The following GRIK4 variants were observed in gnomAD, a reference collection of about 807,000 sequenced individuals.
GRIK4 encodes glutamate ionotropic receptor kainate type subunit 4.
GRIK4 carries 40 observed loss-of-function variants against 104.9 expected under a neutral mutation model. That is an observed-to-expected ratio of 0.38 (90% CI 0.30 to 0.50). GRIK4 has a LOEUF of 0.50. Ranked by LOEUF, GRIK4 falls within the 20% of genes least tolerant of loss-of-function variation. The probability of loss-of-function intolerance (pLI) is 0.93; values close to 1 mark genes in which losing one functional copy is unlikely to be tolerated. For synonymous variants in GRIK4, 485 were observed against 524.9 expected, an observed-to-expected ratio of 0.92 and a Z score of 1.04; for missense variants, 1,047 against 1,308.1, an observed-to-expected ratio of 0.80 and a Z score of 3.08.
intron 3 of GRIK4, among the ~76,000 whole-genome samples, chr11:120,662,846 C>T (rs1025168421): frequency 1.3e-5 from 2 of 152,068 alleles, no homozygotes; most frequent in African/African-American, 4.8e-5. Flanking sequence ...CATCCTCAGC[C>T]CCACTTGTCT....
chr11:120,577,054 T>C (rs748068951), intron 1 of GRIK4, among the ~76,000 whole-genome samples: 9 of 152,186 alleles, frequency 5.9e-5, no homozygotes, highest in Admixed American at 4.6e-4. Flanking sequence ...TATTGCGCTT[T>C]AGCTGGCTTC....
At chr11:120,847,416 A>C (rs1262229557) in intron 8 of GRIK4, among the ~76,000 whole-genome samples, 2 of 152,236 alleles carry the variant, frequency 1.3e-5, no homozygotes. Context: ...GAAGATATGC[A>C]CAGGGTATTA....
At chr11:120,800,413 C>T (rs1952600821) in intron 3 of GRIK4, among the ~76,000 whole-genome samples, 1 of 152,160 alleles carries the variant, frequency 6.6e-6, no homozygotes, top group South Asian at 2.1e-4. Flanking sequence ...ATGACTGTCT[C>T]GGTTTCTGCT....
rs1202738292 is a variant in GRIK4, at chr11:120,904,789, C to CCAGCTTGGATCCCACCTT, written c.1273-491_1273-474dup. ...CTCAGTGTTCTGCCTCCTCCAGAGC[C>CCAGCTTGGATCCCACCTT]CAGCTTGGATCCCACCTTCAGCTTG... On this transcript the variant is annotated intron_variant, in intron 12 of 20. Coordinates refer to ENST00000527524, the MANE Select transcript of GRIK4 (RefSeq NM_014619.5). 2.4e-4 allele frequency among the ~76,000 whole-genome samples: 36 copies of CCAGCTTGGATCCCACCTT among 152,302 alleles called. No homozygotes were observed. The South Asian group carries it at 7.5e-3, about 32-fold the overall frequency.
intron 1 of GRIK4, among the ~76,000 whole-genome samples, chr11:120,617,786 TC>T (rs1174767513): frequency 1.3e-5 from 2 of 152,168 alleles, no homozygotes; most frequent in Admixed American, 1.3e-4. Context: ...TTCTGAGGCC[TC>T]CCCAGAAGCA....
chr11:120,955,070 C>T (rs568959353), intron 15 of GRIK4, among the ~76,000 whole-genome samples: 97 of 152,310 alleles, frequency 6.4e-4, no homozygotes, highest in Non-Finnish European at 1.1e-3. Context: ...AAAACAACAG[C>T]TCTTAGGTAG....
chr11:120,874,331 T>G, intron 10 of GRIK4, 113 bp downstream of exon 10: 1 of 805,144 alleles, frequency 1.2e-6, no homozygotes, highest in East Asian at 2.7e-5. Flanking sequence ...TGTCTGTTAT[T>G]ACAGCCCCAG....
At chr11:120,553,774 A>G (rs763401278) in intron 1 of GRIK4, among the ~76,000 whole-genome samples, 9 of 152,166 alleles carry the variant, frequency 5.9e-5, no homozygotes, top group Non-Finnish European at 7.4e-5. Context: ...GATGCAGAGC[A>G]AGCCCAGGAG....
chr11:120,914,564 A>G (rs1245354437), intron 13 of GRIK4, among the ~76,000 whole-genome samples: 1 of 152,106 alleles, frequency 6.6e-6, no homozygotes, highest in East Asian at 1.9e-4. Flanking sequence ...AGAAAAGGAT[A>G]TTATATTCTA....
intron 6 of GRIK4, among the ~76,000 whole-genome samples, chr11:120,829,643 C>T (rs1953369880): frequency 6.6e-6 from 1 of 152,194 alleles, no homozygotes; most frequent in Admixed American, 6.5e-5. Context: ...TGGGTAAATA[C>T]AGGAGTAACA....
intron 1 of GRIK4, among the ~76,000 whole-genome samples, chr11:120,541,757 GA>G (rs1948038955): frequency 6.6e-6 from 1 of 152,042 alleles, no homozygotes; most frequent in Admixed American, 6.6e-5. Context: ...CCAAAGTGTT[GA>G]GATTACAGGC....
intron 1 of GRIK4, among the ~76,000 whole-genome samples, chr11:120,599,950 A>C (rs1383180206): frequency 6.6e-6 from 1 of 152,226 alleles, no homozygotes; most frequent in East Asian, 1.9e-4. Context: ...ATGTTTGAAC[A>C]TTAGAGGCTG....
At chr11:120,816,412 G>A (rs1297742474) in intron 5 of GRIK4, among the ~76,000 whole-genome samples, 9 of 152,192 alleles carry the variant, frequency 5.9e-5, no homozygotes, top group African/African-American at 1.2e-4. Context: ...GGGTGGGGGC[G>A]GGGGCAGGGA....
At chr11:120,957,652 C>T (rs1288563906) in intron 16 of GRIK4, among the ~76,000 whole-genome samples, 4 of 109,968 alleles carry the variant, frequency 3.6e-5, no homozygotes, top group Non-Finnish European at 7.4e-5. Flanking sequence ...GTTTGCAGAA[C>T]ACAACTTTTT....
intron 11 of GRIK4, among the ~76,000 whole-genome samples, chr11:120,887,069 C>T (rs1004003221): frequency 6.6e-6 from 1 of 152,238 alleles, no homozygotes; most frequent in Non-Finnish European, 1.5e-5. Context: ...GAAAGTTCTT[C>T]TATCTATTGG....
chr11:120,696,217 G>A (rs553224725), intron 3 of GRIK4, among the ~76,000 whole-genome samples: 1 of 152,184 alleles, frequency 6.6e-6, no homozygotes, highest in Non-Finnish European at 1.5e-5. Context: ...AGTGCAGAGC[G>A]AGAGGAAGAA....
At chr11:120,562,486 G>A (rs192613151) in intron 1 of GRIK4, among the ~76,000 whole-genome samples, 90 of 152,286 alleles carry the variant, frequency 5.9e-4, no homozygotes, top group African/African-American at 2.1e-3. Context: ...AGCCTAGAAG[G>A]ATGTAAAGGA....
intron 3 of GRIK4, among the ~76,000 whole-genome samples, chr11:120,789,843 C>T (rs2135489986): frequency 6.6e-6 from 1 of 152,276 alleles, no homozygotes. Context: ...TGTGTGAAGC[C>T]TGGCAGGTAG....
intron 3 of GRIK4, among the ~76,000 whole-genome samples, chr11:120,700,528 G>A (rs986228277): frequency 3.3e-5 from 5 of 150,618 alleles, no homozygotes; most frequent in African/African-American, 4.9e-5. Flanking sequence ...GCGTGATCTC[G>A]GCTCACTGCA....
Sources: gnomAD v4.1 joint callset for allele counts (sites outside exome capture counted in the v4.1 genomes callset) on GRCh38, gnomAD v4.1.1 for gene constraint, MANE v1.5 for transcripts, NCBI Gene and HGNC (gene_info 2026-07-23, HGNC 2026-07-21) for gene names.